The following ETV6 variants were observed in gnomAD, a reference collection of about 807,000 sequenced individuals.
The protein encoded by ETV6 is transcription factor ETV6.
ETV6 carries 16 observed loss-of-function variants against 51.1 expected under a neutral mutation model. The ratio of observed to expected loss-of-function variants is 0.31; its 90% confidence interval spans 0.21 to 0.48. The LOEUF (loss-of-function observed/expected upper bound fraction) is 0.48, where lower values mean the gene tolerates loss of function less well. Among genes scored for constraint, ETV6 ranks in the 20% least tolerant of loss-of-function variants. The pLI, the probability that ETV6 is intolerant of heterozygous loss-of-function variation, is 0.99. For synonymous variants in ETV6, 240 were observed against 224.1 expected, an observed-to-expected ratio of 1.07 and a Z score of -0.64; for missense variants, 458 against 594.8, an observed-to-expected ratio of 0.77 and a Z score of 2.39.
intron 7 of ETV6, among the ~76,000 whole-genome samples, chr12:11,886,423 C>T (rs1296312287): frequency 1.3e-5 from 2 of 151,574 alleles, no homozygotes; most frequent in Non-Finnish European, 2.9e-5. Flanking sequence ...CAGGTAATGA[C>T]CCACAGTGAG....
chr12:11,846,672 C>A (rs1170865335), intron 3 of ETV6, among the ~76,000 whole-genome samples: 1 of 152,140 alleles, frequency 6.6e-6, no homozygotes, highest in African/African-American at 2.4e-5. Flanking sequence ...CCCCAACCAC[C>A]CCCACTGTGG....
chr12:11,657,714 C>A (rs1821601096), intron 1 of ETV6, among the ~76,000 whole-genome samples: 6 of 152,158 alleles, frequency 3.9e-5, no homozygotes, highest in Admixed American at 3.9e-4. Context: ...CTGAATGACC[C>A]AAAAAGGACG....
intron 1 of ETV6, among the ~76,000 whole-genome samples, chr12:11,677,851 G>C (rs1341856961): frequency 6.6e-6 from 1 of 152,174 alleles, no homozygotes; most frequent in Admixed American, 6.5e-5. Context: ...AAATTCACTT[G>C]ACATACACCT....
intron 4 of ETV6, among the ~76,000 whole-genome samples, chr12:11,859,126 T>C (rs1322846576): frequency 0.014 from 192 of 13,976 alleles, 72 homozygotes; most frequent in Middle Eastern, 0.071. Context: ...CTGGTTTTTT[T>C]TTTTTTTTTT....
chr12:11,709,836 C>G (rs1177504570), intron 1 of ETV6, among the ~76,000 whole-genome samples: 1 of 152,366 alleles, frequency 6.6e-6, no homozygotes, highest in East Asian at 1.9e-4. Context: ...CTCTGGGTCT[C>G]CAGCCTGCTG....
intron 3 of ETV6, among the ~76,000 whole-genome samples, chr12:11,842,734 C>G (rs992131017): frequency 1.3e-5 from 2 of 152,132 alleles, no homozygotes; most frequent in Non-Finnish European, 2.9e-5. Context: ...TCCACCAGTG[C>G]GTAGGGTAGA....
chr12:11,685,754 G>C (rs1328629908), intron 1 of ETV6, among the ~76,000 whole-genome samples: 1 of 152,106 alleles, frequency 6.6e-6, no homozygotes, highest in Non-Finnish European at 1.5e-5. Flanking sequence ...CTGTAATAAA[G>C]ATAAAATGGG....
intron 1 of ETV6, chr12:11,750,946 T>A: frequency 4.4e-6 from 2 of 455,702 alleles, no homozygotes; most frequent in Non-Finnish European, 4.2e-6. Context: ...CTGGGTGACT[T>A]TTTACAGGAC....
rs10528272 is a variant in ETV6 at position 11,872,494 on chromosome 12, C to CTTT, written c.1009+2544_1009+2546dup. ...ATATTAGTCTCTTAAAATTATATTA[C>CTTT]TTTTTTTTTTTTTTTTTTTTTGAGA... On this transcript the variant is annotated intron_variant, in intron 5 of 7. Coordinates refer to ENST00000396373, the MANE Select transcript of ETV6 (RefSeq NM_001987.5). 2.4e-4 allele frequency among the ~76,000 whole-genome samples: 34 copies of CTTT among 142,724 alleles called. 1 individual carries two copies. Among genetic ancestry groups the CTTT allele is most frequent in the Non-Finnish European group, 4.3e-4 (28 of 64,636 alleles). 93.6% of individuals were successfully genotyped at this position (142,724 alleles called of 152,430 possible).
chr12:11,696,645 A>G (rs1367929285), intron 1 of ETV6, among the ~76,000 whole-genome samples: 1 of 152,062 alleles, frequency 6.6e-6, no homozygotes, highest in Non-Finnish European at 1.5e-5. Context: ...GTGAAACCCC[A>G]TCTCAACTAA....
intron 6 of ETV6, among the ~76,000 whole-genome samples, chr12:11,884,869 C>T (rs1171934519): frequency 5.3e-5 from 8 of 152,132 alleles, no homozygotes; most frequent in Admixed American, 2.6e-4. Context: ...GACCTGATCC[C>T]GCCACCTCCA....
intron 2 of ETV6, among the ~76,000 whole-genome samples, chr12:11,812,610 T>C (rs1470322383): frequency 6.6e-6 from 1 of 152,074 alleles, no homozygotes; most frequent in Non-Finnish European, 1.5e-5. Context: ...CGGGAGAGGA[T>C]CTTACCAGAG....
chr12:11,861,838 A>C (rs970940835), intron 4 of ETV6, among the ~76,000 whole-genome samples: 2 of 152,146 alleles, frequency 1.3e-5, no homozygotes, highest in African/African-American at 4.8e-5. Context: ...CTTATACATG[A>C]TTGAGAGGAT....
At chr12:11,750,847 A>C in intron 1 of ETV6, 1 of 485,984 alleles carries the variant, frequency 2.1e-6, no homozygotes, top group South Asian at 1.5e-5. Flanking sequence ...AAACACCAAA[A>C]AGTATAACCC....
At position 11,711,154 on chromosome 12, in the gene ETV6, C is replaced by G. The variant is rs73288750; in HGVS notation, c.34-41296C>G. 4.0e-3 allele frequency among the ~76,000 whole-genome samples: 610 copies of G among 152,356 alleles called. 6 individuals carry two copies. Among genetic ancestry groups the G allele is most frequent in the African/African-American group, 0.014 (585 of 41,576 alleles). On this transcript the variant is annotated intron_variant, in intron 1 of 7. Coordinates refer to ENST00000396373, the MANE Select transcript of ETV6 (RefSeq NM_001987.5). ...AAGGTCTTTGCCTATTCTTTGGGAG[C>G]TCTGGGTGTCCCCAGAGAATTGAGT...
intron 1 of ETV6, among the ~76,000 whole-genome samples, chr12:11,729,852 C>A (rs1040221498): frequency 6.6e-6 from 1 of 152,012 alleles, no homozygotes; most frequent in African/African-American, 2.4e-5. Context: ...AACTATTTTC[C>A]CCATGGTGTG....
At chr12:11,888,096 T>A (rs78929966) in intron 7 of ETV6, among the ~76,000 whole-genome samples, 6,445 of 152,316 alleles carry the variant, frequency 0.042, 147 homozygotes, top group Non-Finnish European at 0.055. Context: ...GACTTCATGA[T>A]TCACATCGGG....
In ETV6 at chr12:11,668,623, G is replaced by C. The variant is rs533397491; in HGVS notation, c.33+18463G>C. On this transcript the variant is annotated intron_variant, in intron 1 of 7. Transcript: ENST00000396373. ...TTCGATTTTTATGATCCCTGGCTGG[G>C]TCGGAGAAGGGCTAGTTAGTATGTT... Among the ~76,000 whole-genome samples the C allele has an allele frequency of 2.6e-5, 4 of 152,306 alleles. No homozygotes were observed. The South Asian group carries it at 6.2e-4, about 24-fold the overall frequency.
chr12:11,686,980 G>A (rs984831236), intron 1 of ETV6, among the ~76,000 whole-genome samples: 1 of 152,088 alleles, frequency 6.6e-6, no homozygotes, highest in Non-Finnish European at 1.5e-5. Context: ...CCGCCTTCCA[G>A]GTTCAAGTGA....
Sources: allele counts gnomAD v4.1 joint callset (sites outside exome capture counted in the v4.1 genomes callset), GRCh38; gene constraint gnomAD v4.1.1; transcripts MANE v1.5; gene names NCBI Gene and HGNC (gene_info 2026-07-23, HGNC 2026-07-21).